Variants in SPEF2 observed in about 807,000 individuals in gnomAD.
The protein encoded by SPEF2 is sperm flagellar and cilia associated 2.
A neutral mutation model predicts 224.6 loss-of-function variants in SPEF2; 187 were observed. The ratio of observed to expected loss-of-function variants is 0.83; its 90% confidence interval spans 0.74 to 0.94. The LOEUF (loss-of-function observed/expected upper bound fraction) is 0.94, where lower values mean the gene tolerates loss of function less well. Among genes scored for constraint, SPEF2 ranks in the 40% least tolerant of loss-of-function variants. SPEF2 has a pLI of 0.00. For missense variants in SPEF2, 2,170 were observed against 2,135.6 expected, an observed-to-expected ratio of 1.02 and a Z score of -0.32; for synonymous variants, 715 against 707.3, an observed-to-expected ratio of 1.01 and a Z score of -0.17.
At chr5:35,663,776 A>G (rs1750048680) in intron 8 of SPEF2, among the ~76,000 whole-genome samples, 2 of 152,198 alleles carry the variant, frequency 1.3e-5, no homozygotes, top group Admixed American at 6.6e-5. Flanking sequence ...CTCTGCACAC[A>G]GAGAATGTAC....
chr5:35,775,971 C>G (rs1753563957), intron 28 of SPEF2, among the ~76,000 whole-genome samples: 1 of 152,088 alleles, frequency 6.6e-6, no homozygotes, highest in African/African-American at 2.4e-5. Flanking sequence ...TCAGAAATTA[C>G]CTATGCGTGT....
intron 26 of SPEF2, among the ~76,000 whole-genome samples, chr5:35,770,003 G>C (rs924216954): frequency 1.4e-4 from 19 of 137,994 alleles, no homozygotes; most frequent in African/African-American, 5.9e-4. Flanking sequence ...GTGTGTGTGT[G>C]TGTGTGTGTG....
intron 26 of SPEF2, among the ~76,000 whole-genome samples, chr5:35,769,982 C>A (rs1051815809): frequency 7.9e-6 from 1 of 126,016 alleles, no homozygotes; most frequent in Non-Finnish European, 1.7e-5. Context: ...TTGCTACTGC[C>A]TCCATAATGT....
intron 10 of SPEF2, among the ~76,000 whole-genome samples, chr5:35,689,568 C>T (rs542824896): frequency 6.6e-6 from 1 of 152,206 alleles, no homozygotes; most frequent in South Asian, 2.1e-4. Flanking sequence ...CATGTATACT[C>T]AATGTTTAGC....
chr5:35,763,546 C>T lies in SPEF2; in HGVS notation c.3645C>T (p.Ser1215=), dbSNP rs777659539. The T allele has an allele frequency of 1.9e-6, 3 of 1,595,268 alleles. No individual in the cohort carries two copies. The highest frequency in any genetic ancestry group is 3.6e-5 in the Admixed American group (2 of 55,296). ...QLRIPLVPRI[S]ISLETVTPKP... ...GAATTCCTCTAGTTCCTCGAATATC[C>T]ATTTCTCTGGAAACAGTTACACCCA... Residue 1215 remains serine (S), a synonymous_variant, in exon 26 of 37, where the codon TCC becomes TCT. Coordinates refer to ENST00000356031, the MANE Select transcript of SPEF2 (RefSeq NM_024867.4).
chr5:35,782,894 A>T (rs1473510108), intron 30 of SPEF2, among the ~76,000 whole-genome samples: 2 of 152,186 alleles, frequency 1.3e-5, no homozygotes, highest in African/African-American at 4.8e-5. Context: ...GACATAAAAT[A>T]TTATTTATTG....
chr5:35,788,273 G>T (rs1351143367), intron 30 of SPEF2: 1 of 702,928 alleles, frequency 1.4e-6, no homozygotes, highest in Non-Finnish European at 2.6e-6. Flanking sequence ...CCATGCTATT[G>T]CCAAGACCGG....
At chr5:35,702,111 A>G (rs76617156) in intron 16 of SPEF2, 1 of 126,212 alleles carries the variant, frequency 7.9e-6, no homozygotes, top group Non-Finnish European at 2.0e-5. Context: ...CCAAGGGAGG[A>G]CAAATCTTCA....
In SPEF2 at chr5:35,779,265, G is replaced by A; in HGVS notation, c.4366G>A (p.Val1456Ile). ...TCCCCCATCAATACGTCCTCCACCT[G>A]TAGAAAAGGAAGAAGATGGTACCCT... ...DPPPSIRPPP[V>I]EKEEDGTLTI... The change falls in exon 30 of 37, where the codon GTA (valine) becomes ATA (isoleucine). Residue 1456 changes from valine (V) to isoleucine (I), a missense_variant. Physicochemically the swap from Val to Ile is conservative, Grantham distance 29 (BLOSUM62 3). Transcript: ENST00000356031. 1 of 1,613,890 alleles carries A rather than the reference G, an allele frequency of 6.2e-7. No individual in the cohort carries two copies. Among genetic ancestry groups the A allele is most frequent in the East Asian group, 2.2e-5 (1 of 44,860 alleles).
intron 21 of SPEF2, among the ~76,000 whole-genome samples, chr5:35,728,296 G>A (rs1745023086): frequency 6.6e-6 from 1 of 152,214 alleles, no homozygotes. Flanking sequence ...ACGTTAATGG[G>A]TATGCTGGTG....
At chr5:35,662,290 T>C (rs572479762) in intron 8 of SPEF2, among the ~76,000 whole-genome samples, 1 of 152,190 alleles carries the variant, frequency 6.6e-6, no homozygotes, top group Non-Finnish European at 1.5e-5. Flanking sequence ...TTTTCTCTTG[T>C]AAATTTGTCT....
intron 1 of SPEF2, among the ~76,000 whole-genome samples, chr5:35,621,345 A>G (rs1385766908): frequency 6.6e-6 from 1 of 151,932 alleles, no homozygotes; most frequent in East Asian, 1.9e-4. Flanking sequence ...AATCTTAAAA[A>G]CAACCCTAAG....
chr5:35,776,220 AAT>A, intron 28 of SPEF2, 35 bp from the exon 29 acceptor site: 2 of 1,584,268 alleles, frequency 1.3e-6, no homozygotes, highest in South Asian at 2.3e-5. Flanking sequence ...CATGCACTGC[AAT>A]ATGTTAAAAC....
Position 35,691,158 on chromosome 5 carries a change from A to C in SPEF2, c.1646A>C (p.Glu549Ala). The C allele has an allele frequency of 2.5e-6, 4 of 1,614,126 alleles. No homozygotes were observed. Among genetic ancestry groups the C allele is most frequent in the Non-Finnish European group, 3.4e-6 (4 of 1,179,994 alleles). The change falls in exon 11 of 37, where the codon GAA becomes GCA. Residue 549 changes from glutamate (E) to alanine (A), a missense_variant. Transcript: ENST00000356031. ...LAEKSLPPRA[E>A]STTPELPSFA... ...GAAAAATCTCTTCCTCCTCGAGCGG[A>C]ATCAACAACACCTGAATTACCTTCA...
intron 23 of SPEF2, among the ~76,000 whole-genome samples, chr5:35,740,509 G>A (rs751300451): frequency 6.6e-6 from 1 of 152,154 alleles, no homozygotes; most frequent in Non-Finnish European, 1.5e-5. Flanking sequence ...AACATTCTGG[G>A]CATCTGTCTT....
At chr5:35,618,152 C>A in intron 1 of SPEF2, 97 bp downstream of exon 1, 1 of 1,359,762 alleles carries the variant, frequency 7.4e-7, no homozygotes, top group Non-Finnish European at 1.0e-6. Flanking sequence ...GCGGGCAGGG[C>A]GCGAGCTGCA....
rs34389759 is a variant in SPEF2 at position 35,808,881 on chromosome 5, C to CATATAT, written c.5379+1642_5379+1647dup. ...ATATATGTAAAAAAATTGGGTTTTA[C>CATATAT]ATATATATATATATATATAAAACAA... is the stretch of plus-strand genomic sequence containing the variant. On this transcript the variant is annotated intron_variant, in intron 36 of 36. Transcript: ENST00000356031. Among the ~76,000 whole-genome samples the CATATAT allele has an allele frequency of 9.9e-3, 1,416 of 143,320 alleles. 23 individuals are homozygous for CATATAT. Among genetic ancestry groups the CATATAT allele is most frequent in the African/African-American group, 0.034 (1,336 of 39,130 alleles). 94.0% of individuals were successfully genotyped at this position (143,320 alleles called of 152,430 possible).
chr5:35,647,925 A>C (rs1747634822), intron 5 of SPEF2, among the ~76,000 whole-genome samples: 1 of 152,196 alleles, frequency 6.6e-6, no homozygotes, highest in African/African-American at 2.4e-5. Context: ...GCAATGTTAC[A>C]GTTCAGTTTG....
At chr5:35,757,509 A>T (rs1450969667) in intron 24 of SPEF2, among the ~76,000 whole-genome samples, 5 of 152,140 alleles carry the variant, frequency 3.3e-5, no homozygotes, top group African/African-American at 1.2e-4. Flanking sequence ...ACTTATTTTA[A>T]TTCTCCAAAG....
Sources: allele counts gnomAD v4.1 joint callset (sites outside exome capture counted in the v4.1 genomes callset), GRCh38; gene constraint gnomAD v4.1.1; transcripts MANE v1.5; gene names NCBI Gene and HGNC (gene_info 2026-07-23, HGNC 2026-07-21).